The following KLHL38 variants were observed in gnomAD, a reference collection of about 807,000 sequenced individuals.
KLHL38 encodes kelch like family member 38.
KLHL38 carries 38 observed loss-of-function variants against 39.6 expected under a neutral mutation model. That is an observed-to-expected ratio of 0.96 (90% CI 0.74 to 1.26). KLHL38 has a LOEUF of 1.26. KLHL38 is among the 50% of genes most tolerant of loss of function. The probability of loss-of-function intolerance (pLI) is 0.00; values close to 1 mark genes in which losing one functional copy is unlikely to be tolerated. For missense variants in KLHL38, 803 were observed against 748.1 expected (o/e 1.07, Z -0.86); for synonymous variants, 322 against 302.2 (o/e 1.07, Z -0.68).
At chr8:123,646,110 C>T in intron 3 of KLHL38, 82 bp from the exon 4 acceptor site, 1 of 1,247,808 alleles carries the variant, frequency 8.0e-7, no homozygotes, top group East Asian at 2.3e-5. Context: ...GCGTCTGACT[C>T]CTGCCACTGC....
chr8:123,652,318 C>T lies in KLHL38; in HGVS notation c.609G>A (p.Trp203Ter). 2.5e-6 allele frequency: 4 copies of T among 1,613,928 alleles called. No homozygotes were observed. The highest frequency in any genetic ancestry group is 2.5e-6 in the Non-Finnish European group (3 of 1,180,020). Residue 203 changes from tryptophan to a stop codon, truncating the protein, a stop_gained, in exon 2 of 4, where the codon TGG (tryptophan) becomes TGA (stop). Coordinates refer to ENST00000684634, the MANE Select transcript of KLHL38 (RefSeq NM_001081675.3). LOFTEE classifies it high-confidence loss of function. Reference sequence around the variant, plus strand: ...TCCGGGCCTGGAGGTCATGCTTGATCCAAACCATGAGGGCCTCAAACACCT... The same window carrying T: ...TCCGGGCCTGGAGGTCATGCTTGATTCAAACCATGAGGGCCTCAAACACCT... Reference protein sequence around the residue: ...EEKVFEALMVWIKHDLQARKR... With the variant: ...EEKVFEALMV
chr8:123,652,534 C>CA lies in KLHL38; in HGVS notation c.392dup (p.Leu131PhefsTer57), dbSNP rs757385906. ...TCATACCCAGGCAGTTGCTGGGGGC[C>CA]AACTGGCTCTGCAAGTACGAGGAGC... On this transcript the variant is annotated frameshift_variant, in exon 2 of 4. Transcript: ENST00000684634. LOFTEE classifies it high-confidence loss of function. 1 of 1,614,208 alleles carries CA rather than the reference C, an allele frequency of 6.2e-7. No individual in the cohort carries two copies. Among genetic ancestry groups the CA allele is most frequent in the Admixed American group, 1.7e-5 (1 of 60,028 alleles).
chr8:123,645,928 C>A lies in KLHL38; in HGVS notation c.1557G>T (p.Met519Ile), dbSNP rs1206749817. 1 of 1,614,132 alleles carries A rather than the reference C, an allele frequency of 6.2e-7. No homozygotes were observed. The highest frequency in any genetic ancestry group is 2.2e-5 in the East Asian group (1 of 44,872). The change falls in exon 4 of 4, where the codon ATG becomes ATT. Residue 519 changes from methionine to isoleucine, a missense_variant. Physicochemically the swap from Met to Ile is conservative, Grantham distance 10. Transcript: ENST00000684634. ...CGCCCGTCACGTAGAGTTTGTTTCC[C>A]ATCACTGTGGCCCCATGGTGCATCC... ...DRRMHHGATVMGNKLYVTGGR... is the reference protein window; with the variant it reads ...DRRMHHGATVIGNKLYVTGGR...
At chr8:123,649,153 A>G (rs952123426) in intron 2 of KLHL38, among the ~76,000 whole-genome samples, 12 of 152,204 alleles carry the variant, frequency 7.9e-5, no homozygotes, top group Non-Finnish European at 1.8e-4. Flanking sequence ...TCAGAAGGTC[A>G]ATGGCAGTTT....
intron 2 of KLHL38, among the ~76,000 whole-genome samples, chr8:123,650,914 T>C (rs934821311): frequency 2.3e-4 from 35 of 152,214 alleles, no homozygotes; most frequent in African/African-American, 8.4e-4. Context: ...AAGGCCTTAC[T>C]GACTTGAGTT....
chr8:123,652,432 C>A lies in KLHL38; in HGVS notation c.495G>T (p.Glu165Asp). The A allele has an allele frequency of 1.2e-6, 2 of 1,614,172 alleles. No individual in the cohort carries two copies. The highest frequency in any genetic ancestry group is 1.7e-6 in the Non-Finnish European group (2 of 1,180,042). Residue 165 changes from glutamate to aspartate, a missense_variant, in exon 2 of 4, where the codon GAG (glutamate) becomes GAT (aspartate). Transcript: ENST00000684634. The stretch of plus-strand genomic sequence containing the variant: ...CCTTCAGGTCGGCCGATGCGGCCAC[C>A]TCTGGGAAGGACGTCAGTGCCACCT... ...AREVALTSFP[E>D]VAASADLKEL...
chr8:123,646,485 G>T (rs1183296841), intron 3 of KLHL38, among the ~76,000 whole-genome samples: 4 of 152,226 alleles, frequency 2.6e-5, no homozygotes, highest in African/African-American at 9.6e-5. Context: ...TATATAGCCA[G>T]TTAGTGACAG....
In KLHL38 at chr8:123,645,927, C is replaced by T. The variant is rs780371985; in HGVS notation, c.1558G>A (p.Gly520Arg). 5 of 1,614,112 alleles carry T rather than the reference C, an allele frequency of 3.1e-6. No homozygotes were observed. The highest frequency in any genetic ancestry group is 2.2e-5 in the South Asian group (2 of 91,062). Reference sequence around the variant, plus strand: ...CCGCCCGTCACGTAGAGTTTGTTTCCCATCACTGTGGCCCCATGGTGCATC... The same window carrying T: ...CCGCCCGTCACGTAGAGTTTGTTTCTCATCACTGTGGCCCCATGGTGCATC... ...RRMHHGATVM[G>R]NKLYVTGGRR... The change falls in exon 4 of 4, where the codon GGA becomes AGA. Residue 520 changes from glycine (G) to arginine (R), a missense_variant. Transcript: ENST00000684634.
chr8:123,649,575 T>C (rs1349467253), intron 2 of KLHL38, among the ~76,000 whole-genome samples: 2 of 152,202 alleles, frequency 1.3e-5, no homozygotes, highest in African/African-American at 4.8e-5. Flanking sequence ...TTTTACCTCA[T>C]TCACCTTTCT....
chr8:123,651,882 C>A lies in KLHL38; in HGVS notation c.1045G>T (p.Val349Phe), dbSNP rs762318828. Residue 349 changes from valine to phenylalanine, a missense_variant, in exon 2 of 4, where the codon GTC (valine) becomes TTC (phenylalanine). By Grantham distance (50) the Val-to-Phe change is conservative. Transcript: ENST00000684634. ...GAGAAGATGTAGACATTGTGACTGA[C>A]CAGACTCCTCCCTGAGCTGACAGCC... ...GMAVSSGRSL[V>F]SHNVYIFSLK... 6.2e-7 allele frequency: 1 copy of A among 1,614,176 alleles called. No homozygotes were observed. The highest frequency in any genetic ancestry group is 8.5e-7 in the Non-Finnish European group (1 of 1,179,990).
rs1450228228 is a variant in KLHL38 at position 123,652,847 on chromosome 8, A to G, written c.80T>C (p.Leu27Ser). The G allele has an allele frequency of 6.2e-7, 1 of 1,610,036 alleles. No homozygotes were observed. The highest frequency in any genetic ancestry group is 1.1e-5 in the South Asian group (1 of 91,072). Residue 27 changes from leucine (L) to serine (S), a missense_variant, in exon 2 of 4, where the codon TTA becomes TCA. Physicochemically the swap from Leu to Ser is moderately radical, Grantham distance 145 (BLOSUM62 -2). Transcript: ENST00000684634. ...SSDLLRQLNS[L>S]RQSRILTDVS... ...ATCAGTCAGGATCCTGCTTTGCCTT[A>G]AGCTGTTGAGCTGCCTCAACAAGTC...
In KLHL38 at chr8:123,651,871, A is replaced by G. The variant is rs769353078; in HGVS notation, c.1056T>C (p.Asn352=). The change falls in exon 2 of 4, where the codon AAT becomes AAC. Residue 352 remains asparagine, a synonymous_variant. Coordinates refer to ENST00000684634, the MANE Select transcript of KLHL38 (RefSeq NM_001081675.3). ...TGAGTTTCAGGGAGAAGATGTAGAC[A>G]TTGTGACTGACCAGACTCCTCCCTG... ...VSSGRSLVSH[N]VYIFSLKLNQ... 26 of 1,614,140 alleles carry G rather than the reference A, an allele frequency of 1.6e-5. No homozygotes were observed. In the East Asian group the frequency reaches 2.0e-4, roughly 12 times the overall value.
chr8:123,647,247 A>G (rs1331644108), intron 2 of KLHL38, among the ~76,000 whole-genome samples: 1 of 152,216 alleles, frequency 6.6e-6, no homozygotes, highest in East Asian at 1.9e-4. Flanking sequence ...CTGTAATTCT[A>G]TAGAATAGAT....
intron 2 of KLHL38, among the ~76,000 whole-genome samples, chr8:123,648,173 A>G (rs1434270225): frequency 6.6e-6 from 1 of 152,226 alleles, no homozygotes; most frequent in Non-Finnish European, 1.5e-5. Flanking sequence ...CCTATGAGGT[A>G]GGTATTATTA....
intron 2 of KLHL38, among the ~76,000 whole-genome samples, chr8:123,648,638 A>C (rs1428429256): frequency 6.6e-6 from 1 of 152,228 alleles, no homozygotes; most frequent in African/African-American, 2.4e-5. Context: ...CCATGCTCAT[A>C]ATACCCCAAA....
chr8:123,646,858 T>C lies in KLHL38; in HGVS notation c.1456+51A>G, dbSNP rs920141349. ...CTGTCTATGAGTGACCTTTTTTCCA[T>C]AGAAGGTGCCAAGTTTGTGTCACGC... is the stretch of plus-strand genomic sequence containing the variant. On this transcript the variant is annotated intron_variant, in intron 3 of 3. Coordinates refer to ENST00000684634, the MANE Select transcript of KLHL38 (RefSeq NM_001081675.3). 1.4e-5 allele frequency: 18 copies of C among 1,293,502 alleles called. No homozygotes were observed. In the Admixed American group the frequency reaches 1.5e-4, roughly 11 times the overall value. The allele number at this position is 1,293,502 out of a possible 1,614,324, so 80.1% of individuals were successfully genotyped here. A position where few individuals can be genotyped will look rare whatever the true frequency, so the allele number is the denominator to read the frequency against.
At position 123,644,519 on chromosome 8, in the gene KLHL38, C is replaced by T. The variant is rs906655967; in HGVS notation, c.*1220G>A. Among the ~76,000 whole-genome samples the T allele has an allele frequency of 1.3e-5, 2 of 152,186 alleles. No homozygotes were observed. The highest frequency in any genetic ancestry group is 2.9e-5 in the Non-Finnish European group (2 of 68,040). ...ATTAGATACTGAATTGTGCATATAT[C>T]TCTGGAATTTCAATGTACTACATCC... On this transcript the variant is annotated 3_prime_UTR_variant, in exon 4 of 4. Coordinates refer to ENST00000684634, the MANE Select transcript of KLHL38 (RefSeq NM_001081675.3).
chr8:123,653,718 A>AT lies in KLHL38; in HGVS notation c.-135dup, dbSNP rs1812697551. Among the ~76,000 whole-genome samples the AT allele has an allele frequency of 6.6e-6, 1 of 152,056 alleles. No homozygotes were observed. The highest frequency in any genetic ancestry group is 2.4e-5 in the African/African-American group (1 of 41,404). ...GTTGGCAAATGATTTGTCCTGGGAG[A>AT]TTTCTGGATTTGTTTATGCTGAAGG... On this transcript the variant is annotated 5_prime_UTR_variant, in exon 1 of 4. Transcript: ENST00000684634.
At position 123,652,464 on chromosome 8, in the gene KLHL38, C is replaced by T. The variant is rs748346417; in HGVS notation, c.463G>A (p.Ala155Thr). Residue 155 changes from alanine to threonine, a missense_variant, in exon 2 of 4, where the codon GCC becomes ACC. Transcript: ENST00000684634. ...AAGGACGTCAGTGCCACCTCCCTGG[C>T]TTTCTTCTTGAGGGTCTCGCAGCTT... ...ILSCETLKKKAREVALTSFPE... is the reference protein window; with the variant it reads ...ILSCETLKKKTREVALTSFPE... The T allele has an allele frequency of 6.2e-6, 10 of 1,614,186 alleles. No homozygotes were observed. Among genetic ancestry groups the T allele is most frequent in the Non-Finnish European group, 8.5e-6 (10 of 1,180,050 alleles).
Sources: allele counts gnomAD v4.1 joint callset (sites outside exome capture counted in the v4.1 genomes callset), GRCh38; gene constraint gnomAD v4.1.1; transcripts MANE v1.5; gene names NCBI Gene and HGNC (gene_info 2026-07-23, HGNC 2026-07-21).